ACOXL: variants seen among roughly 807,000 people sequenced by gnomAD.
ACOXL encodes acyl-CoA oxidase like.
ACOXL carries 70 observed loss-of-function variants against 71.9 expected under a neutral mutation model. The observed-to-expected ratio is 0.97, with a 90% confidence interval of 0.80 to 1.19. ACOXL has a LOEUF of 1.19. Ranked by LOEUF, ACOXL falls within the 50% of genes most tolerant of loss-of-function variation. The pLI is 0.00. For synonymous variants in ACOXL, 253 were observed against 281.6 expected (o/e 0.90, Z 1.02); for missense variants, 703 against 736.3 (o/e 0.95, Z 0.52).
chr2:110,768,756 C>T (rs1167709277), intron 2 of ACOXL, among the ~76,000 whole-genome samples: 1 of 152,086 alleles, frequency 6.6e-6, no homozygotes, highest in Non-Finnish European at 1.5e-5. Context: ...TTTGTGTCTG[C>T]GTGTACTCAG....
intron 10 of ACOXL, among the ~76,000 whole-genome samples, chr2:110,865,508 AAGCCAATGAGAAGC>A (rs1393442508): frequency 6.6e-6 from 1 of 152,342 alleles, no homozygotes; most frequent in East Asian, 1.9e-4. Context: ...CTTTTATTTC[AAGCCAATGAGAAGC>A]AGCCAACCTA....
intron 3 of ACOXL, 39 bp downstream of exon 3, chr2:110,784,854 C>T: frequency 6.5e-7 from 1 of 1,550,382 alleles, no homozygotes; most frequent in Non-Finnish European, 8.7e-7. Context: ...TGAATGCATG[C>T]TCGCTTTGCA....
intron 12 of ACOXL, among the ~76,000 whole-genome samples, chr2:110,975,774 C>T (rs1398134578): frequency 6.7e-6 from 1 of 149,740 alleles, no homozygotes; most frequent in Admixed American, 6.6e-5. Context: ...TTCAGAGACC[C>T]ATGAAGTGCT....
rs746614405 is a variant in ACOXL at position 111,092,845 on chromosome 2, T to C, written c.1441-20T>C. 6.3e-7 allele frequency: 1 copy of C among 1,577,914 alleles called. No individual in the cohort carries two copies. Among genetic ancestry groups the C allele is most frequent in the Non-Finnish European group, 8.7e-7 (1 of 1,148,674 alleles). On this transcript the variant is annotated intron_variant, in intron 16 of 17. Transcript: ENST00000439055. ...TATATTGCTATTTGTCCATTTCTTTTGTTTTCCCCCACCCCTTAGTTTTGT... is the reference window on the plus strand; with the variant it reads ...TATATTGCTATTTGTCCATTTCTTTCGTTTTCCCCCACCCCTTAGTTTTGT...
Position 110,886,843 on chromosome 2 carries a change from T to C in ACOXL, c.789-21946T>C, listed in dbSNP as rs1253456004. 13 of 1,551,008 alleles carry C rather than the reference T, an allele frequency of 8.4e-6. No individual in the cohort carries two copies. In the South Asian group the frequency reaches 1.4e-4, roughly 17 times the overall value. Reference sequence around the variant, plus strand: ...GCTGGTCTTTATTGAGCCCCTCTTGTGGACCAGGCTAATTTCCTGAAAACT... The same window carrying C: ...GCTGGTCTTTATTGAGCCCCTCTTGCGGACCAGGCTAATTTCCTGAAAACT... On this transcript the variant is annotated intron_variant, in intron 10 of 17. Coordinates refer to ENST00000439055, the MANE Select transcript of ACOXL (RefSeq NM_001142807.4).
intron 12 of ACOXL, among the ~76,000 whole-genome samples, chr2:110,961,950 G>A (rs1214464383): frequency 6.6e-6 from 1 of 152,204 alleles, no homozygotes; most frequent in Non-Finnish European, 1.5e-5. Flanking sequence ...TCCCTCCCAT[G>A]ACACGTGGGG....
chr2:110,972,969 G>T (rs1180222294), intron 12 of ACOXL, among the ~76,000 whole-genome samples: 1 of 152,212 alleles, frequency 6.6e-6, no homozygotes, highest in Non-Finnish European at 1.5e-5. Flanking sequence ...TGCTCAATTG[G>T]TTTAGGCACA....
intron 1 of ACOXL, among the ~76,000 whole-genome samples, chr2:110,754,500 C>G (rs1188517469): frequency 1.3e-5 from 2 of 152,152 alleles, no homozygotes; most frequent in Admixed American, 1.3e-4. Context: ...AGTCCTAACC[C>G]CAGCAGCAAC....
chr2:110,864,340 G>A (rs1175038100), intron 10 of ACOXL, among the ~76,000 whole-genome samples: 2 of 152,134 alleles, frequency 1.3e-5, no homozygotes. Context: ...TGAAGGGGAG[G>A]AGTTCTCAAA....
At chr2:110,833,420 G>T (rs1013521835) in intron 9 of ACOXL, among the ~76,000 whole-genome samples, 4 of 152,194 alleles carry the variant, frequency 2.6e-5, no homozygotes, top group African/African-American at 9.7e-5. Context: ...TAAGGAGTGG[G>T]CTGGGGAGGC....
At chr2:110,877,961 G>A (rs1285090526) in intron 10 of ACOXL, among the ~76,000 whole-genome samples, 1 of 152,210 alleles carries the variant, frequency 6.6e-6, no homozygotes, top group Non-Finnish European at 1.5e-5. Context: ...AGGGGCACAG[G>A]CACTGGAAGG....
chr2:110,942,491 A>C (rs924677963), intron 12 of ACOXL, among the ~76,000 whole-genome samples: 1 of 152,204 alleles, frequency 6.6e-6, no homozygotes, highest in African/African-American at 2.4e-5. Flanking sequence ...CATAATGACC[A>C]GGGGCCTGTT....
intron 14 of ACOXL, among the ~76,000 whole-genome samples, chr2:111,014,121 T>G (rs942241188): frequency 2.0e-5 from 3 of 152,132 alleles, no homozygotes; most frequent in African/African-American, 7.2e-5. Flanking sequence ...ACAGCTAACC[T>G]CATACCTAAT....
At position 110,883,107 on chromosome 2, in the gene ACOXL, GTTT is replaced by G. The variant is rs34915436; in HGVS notation, c.789-25662_789-25660del. On this transcript the variant is annotated intron_variant, in intron 10 of 17. Transcript: ENST00000439055. ...GCATTCCATGCCCTTTTTGTCACTGGTTTTTTTTTTTTTTTTTTTTTTGAGACG... is the reference window on the plus strand; with the variant it reads ...GCATTCCATGCCCTTTTTGTCACTGGTTTTTTTTTTTTTTTTTTTGAGACG... Among the ~76,000 whole-genome samples the G allele has an allele frequency of 3.7e-5, 4 of 109,264 alleles. No homozygotes were observed. In the South Asian group the frequency reaches 1.3e-3, roughly 35 times the overall value. The allele number at this position is 109,264 out of a possible 152,430, so 71.7% of individuals were successfully genotyped here.
chr2:110,961,178 TG>T (rs1353230836), intron 12 of ACOXL, among the ~76,000 whole-genome samples: 1 of 152,242 alleles, frequency 6.6e-6, no homozygotes, highest in Non-Finnish European at 1.5e-5. Context: ...CCCTGCAAGC[TG>T]TTTGAGGGCT....
chr2:110,994,849 G>C (rs2063320198), intron 13 of ACOXL, among the ~76,000 whole-genome samples: 1 of 152,072 alleles, frequency 6.6e-6, no homozygotes. Flanking sequence ...GGTGCCTCTT[G>C]CTTTAAATGC....
chr2:110,789,863 G>A (rs1472102532), intron 3 of ACOXL, among the ~76,000 whole-genome samples: 1 of 152,258 alleles, frequency 6.6e-6, no homozygotes, highest in Non-Finnish European at 1.5e-5. Context: ...TTGTTGGGCT[G>A]TTGTTTAGGA....
intron 15 of ACOXL, among the ~76,000 whole-genome samples, chr2:111,039,657 T>C (rs1477600876): frequency 2.0e-5 from 3 of 152,240 alleles, no homozygotes; most frequent in African/African-American, 2.4e-5. Flanking sequence ...GGCCCCTATC[T>C]CTTGTGATTC....
At chr2:110,780,464 C>T (rs1183422715) in intron 2 of ACOXL, among the ~76,000 whole-genome samples, 3 of 152,162 alleles carry the variant, frequency 2.0e-5, no homozygotes, top group Admixed American at 1.3e-4. Flanking sequence ...GAGAAACAGA[C>T]ACATGTCCCC....
Sources: allele counts gnomAD v4.1 joint callset (sites outside exome capture counted in the v4.1 genomes callset), GRCh38; gene constraint gnomAD v4.1.1; transcripts MANE v1.5; gene names NCBI Gene and HGNC (gene_info 2026-07-23, HGNC 2026-07-21).